The following POLG variants were observed in gnomAD, a reference collection of about 807,000 sequenced individuals.
POLG encodes the protein DNA polymerase gamma, catalytic subunit.
Under a neutral mutation model 155.4 loss-of-function variants are expected in POLG, and 110 were observed. That is an observed-to-expected ratio of 0.71 (90% CI 0.61 to 0.83). The LOEUF (loss-of-function observed/expected upper bound fraction) is 0.83, where lower values mean the gene tolerates loss of function less well. POLG is among the 40% of genes least tolerant of loss of function. The pLI, the probability that POLG is intolerant of heterozygous loss-of-function variation, is 0.00. For synonymous variants in POLG, 701 were observed against 631.5 expected (o/e 1.11, Z -1.65); for missense variants, 1,685 against 1,627.5 (o/e 1.04, Z -0.61).
rs2055270379 is a variant in POLG, at chr15:89,316,525, G to A, written c.*226C>T. ...TCATTTTTACCCAACAAGCAACAAT[G>A]CCCCTTGTCCTGTAGTCCACACCGA... On this transcript the variant is annotated 3_prime_UTR_variant, in exon 23 of 23. Transcript: ENST00000268124. The A allele has an allele frequency of 8.7e-6, 13 of 1,497,248 alleles. No homozygotes were observed. The highest frequency in any genetic ancestry group is 1.2e-5 in the Non-Finnish European group (13 of 1,090,932). 92.7% of individuals were successfully genotyped at this position (1,497,248 alleles called of 1,614,324 possible).
chr15:89,318,798 A>G (rs2055347723), intron 20 of POLG, 49 bp from the exon 21 acceptor site: 6 of 1,570,732 alleles, frequency 3.8e-6, no homozygotes, highest in South Asian at 1.1e-5. Context: ...CTACATACCA[A>G]TTAACTCCAG....
At position 89,328,765 on chromosome 15, in the gene POLG, C is replaced by T. The variant is rs2055556252; in HGVS notation, c.1090G>A (p.Val364Ile). 4 of 1,614,040 alleles carry T rather than the reference C, an allele frequency of 2.5e-6. No individual in the cohort carries two copies. Among genetic ancestry groups the T allele is most frequent in the Non-Finnish European group, 3.4e-6 (4 of 1,180,036 alleles). ...NSLAEVHRLY[V>I]GGPPLEKEPR... ...TCCTTCTCTAAGGGAGGCCCCCCTACATAAAGTCTGTGCACCTCTGCCAGA... is the reference window on the plus strand; with the variant it reads ...TCCTTCTCTAAGGGAGGCCCCCCTATATAAAGTCTGTGCACCTCTGCCAGA... Residue 364 changes from valine to isoleucine, a missense_variant, in exon 5 of 23, where the codon GTA (valine) becomes ATA (isoleucine). Coordinates refer to ENST00000268124, the MANE Select transcript of POLG (RefSeq NM_002693.3).
In POLG at chr15:89,325,102, G is replaced by C. The variant is rs1355931002; in HGVS notation, c.1949+348C>G. 2.6e-5 allele frequency among the ~76,000 whole-genome samples: 2 copies of C among 77,714 alleles called. 1 individual carries two copies. Among genetic ancestry groups the C allele is most frequent in the Non-Finnish European group, 4.8e-5 (2 of 42,104 alleles). 51.0% of individuals were successfully genotyped at this position (77,714 alleles called of 152,430 possible). On this transcript the variant is annotated intron_variant, in intron 10 of 22. Coordinates refer to ENST00000268124, the MANE Select transcript of POLG (RefSeq NM_002693.3). ...TGAGTGAGAGAGTGAGTGAGTGAGA[G>C]AGTGAGAGAGAGTGAGTGAGTGAGT...
At chr15:89,331,627 G>C (rs917322783) in intron 2 of POLG, among the ~76,000 whole-genome samples, 3 of 152,234 alleles carry the variant, frequency 2.0e-5, no homozygotes, top group African/African-American at 7.2e-5. Context: ...TTGGGAAGAA[G>C]CTGCCCTGTG....
rs189571585 is a variant in POLG, at chr15:89,334,222, G to T, written c.-159-309C>A. On this transcript the variant is annotated intron_variant, in intron 1 of 22. Transcript: ENST00000268124. Reference sequence around the variant, plus strand: ...CTCGAGCTGTGTGACCTTGGGCAAAGCTCCTTAGGCCCTGATATCCTATTC... The same window carrying T: ...CTCGAGCTGTGTGACCTTGGGCAAATCTCCTTAGGCCCTGATATCCTATTC... 364 of 226,804 alleles carry T rather than the reference G, an allele frequency of 1.6e-3. 2 individuals carry two copies. Among genetic ancestry groups the T allele is most frequent in the Admixed American group, 2.3e-3 (44 of 18,920 alleles). 14.0% of individuals were successfully genotyped at this position (226,804 alleles called of 1,614,324 possible).
chr15:89,326,579 C>T, intron 9 of POLG, 33 bp downstream of exon 9: 3 of 1,611,448 alleles, frequency 1.9e-6, no homozygotes, highest in Non-Finnish European at 2.5e-6. Flanking sequence ...AGGGTAGACT[C>T]TAGATACACT....
rs1567188491 is a variant in POLG at position 89,323,905 on chromosome 15, G to A, written c.2071-4C>T. 3 of 1,612,594 alleles carry A rather than the reference G, an allele frequency of 1.9e-6. No homozygotes were observed. The highest frequency in any genetic ancestry group is 1.7e-6 in the Non-Finnish European group (2 of 1,178,576). Reference sequence around the variant, plus strand: ...CTAAGTAATCCAGTTCTTCTACCTGGAGCAGTCCAAGGACCAAAGTAGTGA... The same window carrying A: ...CTAAGTAATCCAGTTCTTCTACCTGAAGCAGTCCAAGGACCAAAGTAGTGA... On this transcript the variant is annotated splice_region_variant and splice_polypyrimidine_tract_variant and intron_variant, in intron 11 of 22. Transcript: ENST00000268124.
Position 89,322,730 on chromosome 15 carries a change from A to C in POLG, c.2426+12T>G. 1 of 1,613,570 alleles carries C rather than the reference A, an allele frequency of 6.2e-7. No individual in the cohort carries two copies. Among genetic ancestry groups the C allele is most frequent in the East Asian group, 2.2e-5 (1 of 44,864 alleles). On this transcript the variant is annotated intron_variant, in intron 14 of 22. Transcript: ENST00000268124. ...GGAAAGGCATCCCAGGACTCCTCCC[A>C]TGGTGGCCCACCTGATACGTTTATG...
In POLG at chr15:89,326,996, T is replaced by C. The variant is rs963293292; in HGVS notation, c.1501A>G (p.Lys501Glu). 3 of 1,614,218 alleles carry C rather than the reference T, an allele frequency of 1.9e-6. No homozygotes were observed. Among genetic ancestry groups the C allele is most frequent in the Middle Eastern group, 3.3e-4 (2 of 6,062 alleles). ...DLQEFKQKKA[K>E]KVKKEPATAS... ...GTGGCTGGTTCCTTCTTCACCTTCT[T>C]AGCTTTCTTCTGCTTAAATTCTTGC... The change falls in exon 8 of 23, where the codon AAG becomes GAG. Residue 501 changes from lysine to glutamate, a missense_variant. Physicochemically the swap from Lys to Glu is moderately conservative, Grantham distance 56. Transcript: ENST00000268124.
rs2055277996 is a variant in POLG at position 89,316,714 on chromosome 15, A to C, written c.*37T>G. 6.5e-7 allele frequency: 1 copy of C among 1,535,824 alleles called. No homozygotes were observed. The highest frequency in any genetic ancestry group is 9.0e-7 in the Non-Finnish European group (1 of 1,108,766). The stretch of plus-strand genomic sequence containing the variant: ...TTGGGAGCCTGCACCACCCCGATGA[A>C]GCTCCACGGGAGCAAATACAGAGCC... On this transcript the variant is annotated 3_prime_UTR_variant, in exon 23 of 23. Transcript: ENST00000268124.
Position 89,323,792 on chromosome 15 carries a change from A to G in POLG, c.2157+23T>C, listed in dbSNP as rs761013119. On this transcript the variant is annotated intron_variant, in intron 12 of 22. Transcript: ENST00000268124. ...TTTCCACCCAGCACCCACCTAGAGA[A>G]CCCAAGCCGGCGCACTGCTCACCAG... The G allele has an allele frequency of 1.9e-6, 3 of 1,595,570 alleles. No individual in the cohort carries two copies. The East Asian group carries it at 6.7e-5, about 36-fold the overall frequency.
At chr15:89,332,647 C>G (rs990992224) in intron 2 of POLG, among the ~76,000 whole-genome samples, 1 of 151,680 alleles carries the variant, frequency 6.6e-6, no homozygotes, top group African/African-American at 2.4e-5. Context: ...ATGGGAAAGG[C>G]TGGGGATGCT....
At chr15:89,328,602 T>C in intron 5 of POLG, 67 bp from the exon 6 acceptor site, 1 of 1,604,412 alleles carries the variant, frequency 6.2e-7, no homozygotes. Flanking sequence ...GCTCTCAGGG[T>C]CAGGCCTGGC....
In POLG at chr15:89,320,978, G is replaced by C. The variant is rs1316198809; in HGVS notation, c.2769C>G (p.Gly923=). 6.3e-7 allele frequency: 1 copy of C among 1,582,332 alleles called. No homozygotes were observed. Among genetic ancestry groups the C allele is most frequent in the Admixed American group, 1.8e-5 (1 of 56,870 alleles). Residue 923 remains glycine (G), a synonymous_variant, in exon 18 of 23, where the codon GGC becomes GGG. Coordinates refer to ENST00000268124, the MANE Select transcript of POLG (RefSeq NM_002693.3). ...GTAGATCAGTGCCCCTGCTCTTCCTGCCCTGCAGTGTCATCCACCCAAAGG... is the reference window on the plus strand; with the variant it reads ...GTAGATCAGTGCCCCTGCTCTTCCTCCCCTGCAGTGTCATCCACCCAAAGG... ...CTAFGWMTLQ[G]RKSRGTDLHS... is the part of the protein sequence containing the mutation.
Position 89,324,101 on chromosome 15 carries a change from C to T in POLG, c.2070+6G>A, listed in dbSNP as rs2055437389. 6.2e-7 allele frequency: 1 copy of T among 1,613,882 alleles called. No individual in the cohort carries two copies. Among genetic ancestry groups the T allele is most frequent in the Non-Finnish European group, 8.5e-7 (1 of 1,180,052 alleles). ...CCCAAAGCTCAGGTTCAGAGCCTGC[C>T]CTCACCGTTTGCCATATGGCACTAT... is the stretch of plus-strand genomic sequence containing the variant. On this transcript the variant is annotated splice_donor_region_variant and intron_variant, in intron 11 of 22. Transcript: ENST00000268124.
At position 89,324,244 on chromosome 15, in the gene POLG, A is replaced by G; in HGVS notation, c.1950-17T>C. ...TCGATGGCTCTGGGCAGAGAACAGTAGCAGCAGCAGCCGCTGATTACCAGA... is the reference window on the plus strand; with the variant it reads ...TCGATGGCTCTGGGCAGAGAACAGTGGCAGCAGCAGCCGCTGATTACCAGA... On this transcript the variant is annotated splice_polypyrimidine_tract_variant and intron_variant, in intron 10 of 22. Coordinates refer to ENST00000268124, the MANE Select transcript of POLG (RefSeq NM_002693.3). 4.3e-6 allele frequency: 7 copies of G among 1,609,252 alleles called. No homozygotes were observed. Among genetic ancestry groups the G allele is most frequent in the South Asian group, 1.1e-5 (1 of 91,062 alleles).
chr15:89,329,234 A>C (rs2055564223), intron 3 of POLG, 124 bp from the exon 4 acceptor site: 5 of 766,504 alleles, frequency 6.5e-6, no homozygotes, highest in Non-Finnish European at 8.8e-6. Flanking sequence ...CTCCCCTCCC[A>C]GCACACAGCC....
At chr15:89,318,256 C>T (rs377203467) in intron 21 of POLG, among the ~76,000 whole-genome samples, 1 of 152,180 alleles carries the variant, frequency 6.6e-6, no homozygotes, top group Non-Finnish European at 1.5e-5. Flanking sequence ...AATAGAAAAG[C>T]GTGAGTACCA....
chr15:89,319,225 T>TA lies in POLG; in HGVS notation c.3104+2dup. Reference sequence around the variant, plus strand: ...CCATCCTTAACACAAAGAAGGTTCTTACTTCCTTGCAGTTTCTCTCTGGAC... The same window carrying TA: ...CCATCCTTAACACAAAGAAGGTTCTTAACTTCCTTGCAGTTTCTCTCTGGAC... On this transcript the variant is annotated splice_region_variant and intron_variant, in intron 19 of 22. Coordinates refer to ENST00000268124, the MANE Select transcript of POLG (RefSeq NM_002693.3). 1 of 1,614,176 alleles carries TA rather than the reference T, an allele frequency of 6.2e-7. No individual in the cohort carries two copies. Among genetic ancestry groups the TA allele is most frequent in the Non-Finnish European group, 8.5e-7 (1 of 1,180,024 alleles).
Sources: gnomAD v4.1 joint callset for allele counts (sites outside exome capture counted in the v4.1 genomes callset) on GRCh38, gnomAD v4.1.1 for gene constraint, MANE v1.5 for transcripts, NCBI Gene and HGNC (gene_info 2026-07-23, HGNC 2026-07-21) for gene names.